The following PHACTR3 variants were observed in gnomAD, a reference collection of about 807,000 sequenced individuals.
The protein encoded by PHACTR3 is phosphatase and actin regulator 3, also known as protein phosphatase 1, regulatory subunit 123.
Under a neutral mutation model 66.8 loss-of-function variants are expected in PHACTR3, and 16 were observed. That is an observed-to-expected ratio of 0.24 (90% confidence interval 0.16 to 0.36). The LOEUF (loss-of-function observed/expected upper bound fraction) is 0.36. PHACTR3 is among the 10% of genes least tolerant of loss of function. The pLI is 1.00. For missense variants in PHACTR3, 647 were observed against 719.9 expected (o/e 0.90, Z 1.16); for synonymous variants, 323 against 292.1 (o/e 1.11, Z -1.08).
chr20:59,822,737 C>T (rs935735926), intron 8 of PHACTR3, among the ~76,000 whole-genome samples: 3 of 152,190 alleles, frequency 2.0e-5, no homozygotes, highest in South Asian at 2.1e-4. Flanking sequence ...CCGTGTGGCT[C>T]GGGCCCCGTG....
At chr20:59,625,799 G>T (rs1451928303) in intron 1 of PHACTR3, among the ~76,000 whole-genome samples, 1 of 152,134 alleles carries the variant, frequency 6.6e-6, no homozygotes. Flanking sequence ...TTACGCTGGG[G>T]TTCTTGGCTG....
intron 1 of PHACTR3, among the ~76,000 whole-genome samples, chr20:59,596,725 G>A (rs2033334822): frequency 6.6e-6 from 1 of 152,212 alleles, no homozygotes. Context: ...ATTCCTCTGT[G>A]TCCTTCCAAG....
chr20:59,657,103 C>T (rs1280860818), intron 1 of PHACTR3, among the ~76,000 whole-genome samples: 1 of 151,878 alleles, frequency 6.6e-6, no homozygotes, highest in African/African-American at 2.4e-5. Context: ...TTTAATTTAC[C>T]ATTTCCGGTT....
At chr20:59,816,530 T>C (rs529458971) in intron 8 of PHACTR3, among the ~76,000 whole-genome samples, 15 of 152,340 alleles carry the variant, frequency 9.8e-5, no homozygotes, top group Admixed American at 9.1e-4. Flanking sequence ...TCTTTCCAGC[T>C]CAAAGTCCTT....
rs144728866 is a variant in PHACTR3, at chr20:59,612,832, C to T, written c.118+7700C>T. On this transcript the variant is annotated intron_variant, in intron 1 of 12. Coordinates refer to ENST00000371015, the MANE Select transcript of PHACTR3 (RefSeq NM_080672.5). ...TTGGCTCATGCTTCTGAGGGCTGTGCGGGAAGCGTGGTGCCAGCATCTGCT... is the reference window on the plus strand; with the variant it reads ...TTGGCTCATGCTTCTGAGGGCTGTGTGGGAAGCGTGGTGCCAGCATCTGCT... Among the ~76,000 whole-genome samples the T allele has an allele frequency of 7.6e-4, 116 of 152,222 alleles. 1 individual carries two copies. Among genetic ancestry groups the T allele is most frequent in the African/African-American group, 2.7e-3 (114 of 41,532 alleles).
intron 1 of PHACTR3, among the ~76,000 whole-genome samples, chr20:59,659,794 G>T (rs1749557025): frequency 6.6e-6 from 1 of 152,132 alleles, no homozygotes; most frequent in African/African-American, 2.4e-5. Flanking sequence ...TGGTTTCTTT[G>T]TACTTTATAT....
chr20:59,725,240 T>C (rs1209860481), intron 1 of PHACTR3, among the ~76,000 whole-genome samples: 1 of 142,436 alleles, frequency 7.0e-6, no homozygotes, highest in Admixed American at 6.7e-5. Context: ...GTGTGCTCAG[T>C]GAGGTTGTGA....
intron 8 of PHACTR3, among the ~76,000 whole-genome samples, chr20:59,808,574 G>C (rs887001605): frequency 6.6e-6 from 1 of 152,208 alleles, no homozygotes; most frequent in Admixed American, 6.5e-5. Context: ...CTTCCCTGGA[G>C]GGAGAGACAG....
chr20:59,838,359 G>A (rs1476589339), intron 9 of PHACTR3, among the ~76,000 whole-genome samples: 1 of 152,134 alleles, frequency 6.6e-6, no homozygotes, highest in Non-Finnish European at 1.5e-5. Context: ...CCAATTCTTA[G>A]AATATCACTT....
intron 1 of PHACTR3, among the ~76,000 whole-genome samples, chr20:59,689,804 G>C (rs2037041632): frequency 6.6e-6 from 1 of 151,988 alleles, no homozygotes; most frequent in African/African-American, 2.4e-5. Flanking sequence ...CCCCATCCCT[G>C]CCACATCCCT....
intron 4 of PHACTR3, among the ~76,000 whole-genome samples, chr20:59,763,511 G>T (rs2040072501): frequency 6.6e-6 from 1 of 152,230 alleles, no homozygotes; most frequent in African/African-American, 2.4e-5. Flanking sequence ...GGAAGGGAAG[G>T]CTCAGGAGAA....
intron 7 of PHACTR3, among the ~76,000 whole-genome samples, chr20:59,801,317 ACTGTCTT>A (rs2041408310): frequency 6.6e-6 from 1 of 152,328 alleles, no homozygotes; most frequent in South Asian, 2.1e-4. Flanking sequence ...TTCAAGAATC[ACTGTCTT>A]CTGTTGCTGA....
chr20:59,841,548 C>T lies in PHACTR3; in HGVS notation c.1587+13C>T. On this transcript the variant is annotated intron_variant, in intron 11 of 12. Coordinates refer to ENST00000371015, the MANE Select transcript of PHACTR3 (RefSeq NM_080672.5). ...AGCAGCAGATAAGGTACCTAACTGC[C>T]TGTGCTGGTGGGGGGTGTTGGATGA... The T allele has an allele frequency of 6.2e-7, 1 of 1,609,040 alleles. No individual in the cohort carries two copies. The highest frequency in any genetic ancestry group is 8.5e-7 in the Non-Finnish European group (1 of 1,177,776).
intron 7 of PHACTR3, among the ~76,000 whole-genome samples, chr20:59,781,258 G>A (rs1201354453): frequency 5.3e-5 from 8 of 152,222 alleles, no homozygotes; most frequent in South Asian, 2.1e-4. Flanking sequence ...ATTAATCACC[G>A]GGGTCTATGT....
chr20:59,767,879 C>T (rs929059279), intron 5 of PHACTR3, among the ~76,000 whole-genome samples: 3 of 151,822 alleles, frequency 2.0e-5, no homozygotes, highest in Non-Finnish European at 2.9e-5. Context: ...TGTTCTGTTC[C>T]ATTCCATTCT....
chr20:59,786,933 T>TA (rs1790545918), intron 7 of PHACTR3, among the ~76,000 whole-genome samples: 3 of 12,960 alleles, frequency 2.3e-4, no homozygotes, highest in Non-Finnish European at 2.2e-3. Context: ...CTAATCACTA[T>TA]TTTTTTTTCA....
intron 8 of PHACTR3, chr20:59,836,142 A>C: frequency 5.8e-6 from 1 of 172,526 alleles, no homozygotes. Flanking sequence ...TCCCTAAGCC[A>C]ATGGGCAGGA....
At position 59,847,290 on chromosome 20, in the gene PHACTR3, T is replaced by G. The variant is rs1437380576; in HGVS notation, c.*160T>G. On this transcript the variant is annotated 3_prime_UTR_variant, in exon 13 of 13. Coordinates refer to ENST00000371015, the MANE Select transcript of PHACTR3 (RefSeq NM_080672.5). ...AGGTGCAATCTTGACCACACTTACC[T>G]GCAAGAGGAGTAACCAGAGGACACA... 4 of 501,676 alleles carry G rather than the reference T, an allele frequency of 8.0e-6. No homozygotes were observed. The highest frequency in any genetic ancestry group is 1.5e-5 in the Non-Finnish European group (4 of 272,898). 31.1% of individuals were successfully genotyped at this position (501,676 alleles called of 1,614,324 possible).
chr20:59,677,541 C>G (rs1033394018), intron 1 of PHACTR3, among the ~76,000 whole-genome samples: 1 of 152,200 alleles, frequency 6.6e-6, no homozygotes, highest in South Asian at 2.1e-4. Flanking sequence ...TTCTTGGAAG[C>G]AACATTGGTT....
Sources: allele counts gnomAD v4.1 joint callset (sites outside exome capture counted in the v4.1 genomes callset), GRCh38; gene constraint gnomAD v4.1.1; transcripts MANE v1.5; gene names NCBI Gene and HGNC (gene_info 2026-07-23, HGNC 2026-07-21).